Variants in ZFHX3 observed in about 807,000 individuals in gnomAD.
ZFHX3 encodes zinc finger homeobox 3, also known as zinc finger homeobox protein 3.
In ZFHX3, 42 loss-of-function variants were observed where a neutral mutation model predicts 279.1. The ratio of observed to expected loss-of-function variants is 0.15; its 90% CI spans 0.12 to 0.19. The LOEUF is 0.19. Ranked by LOEUF, ZFHX3 falls within the 10% of genes least tolerant of loss-of-function variation. The pLI is 1.00. For missense variants in ZFHX3, 4,981 were observed against 4,754.0 expected, an observed-to-expected ratio of 1.05 and a Z score of -1.40; for synonymous variants, 2,293 against 1,957.8, an observed-to-expected ratio of 1.17 and a Z score of -4.52.
At chr16:73,141,523 G>A (rs1204011758) in intron 6 of ZFHX3, among the ~76,000 whole-genome samples, 3 of 151,262 alleles carry the variant, frequency 2.0e-5, no homozygotes, top group African/African-American at 4.9e-5. Context: ...TCAGTCTCCC[G>A]AGTAGCAGGG....
intron 3 of ZFHX3, among the ~76,000 whole-genome samples, chr16:72,910,940 G>C (rs768192704): frequency 6.6e-6 from 1 of 152,178 alleles, no homozygotes; most frequent in African/African-American, 2.4e-5. Flanking sequence ...CAGGCATCTG[G>C]GTTTGCAATC....
chr16:73,724,018 G>A (rs530904112), intron 1 of ZFHX3, among the ~76,000 whole-genome samples: 63 of 152,288 alleles, frequency 4.1e-4, no homozygotes, highest in African/African-American at 1.3e-3. Flanking sequence ...ATGATAATTC[G>A]ATGATTTTTT....
In ZFHX3 at chr16:73,388,101, T is replaced by C. The variant is rs1438218218; in HGVS notation, c.-1291+67902A>G. Among the ~76,000 whole-genome samples, 7 of 152,262 alleles carry C rather than the reference T, an allele frequency of 4.6e-5. No individual in the cohort carries two copies. The East Asian group carries it at 1.4e-3, about 30-fold the overall frequency. ...ATTGGAAAAAATCAGTGCCACACAG[T>C]GCACTTGAGAAGCAATGCGGCAGGC... On this transcript the variant is annotated intron_variant, in intron 3 of 17. Coordinates refer to the ZFHX3 transcript ENST00000641206.
At chr16:73,875,722 A>T (rs539159469) in intron 1 of ZFHX3, among the ~76,000 whole-genome samples, 3 of 152,298 alleles carry the variant, frequency 2.0e-5, no homozygotes, top group Admixed American at 1.3e-4. Flanking sequence ...AAAAGAATCA[A>T]ATAACAAAAG....
At chr16:72,994,006 G>A (rs551100870) in intron 1 of ZFHX3, among the ~76,000 whole-genome samples, 24 of 152,132 alleles carry the variant, frequency 1.6e-4, no homozygotes, top group Non-Finnish European at 2.8e-4. Flanking sequence ...CTCCAGCCCC[G>A]ACGACAGATT....
intron 7 of ZFHX3, among the ~76,000 whole-genome samples, chr16:72,803,258 G>A (rs2036165549): frequency 6.6e-6 from 1 of 152,102 alleles, no homozygotes; most frequent in African/African-American, 2.4e-5. Context: ...CTTGAACCCG[G>A]GAGGCAGAGG....
rs2143384002 is a variant in ZFHX3 at position 72,793,672 on chromosome 16, A to T, written c.9010T>A (p.Ser3004Thr). ...AAATGCTTGGCCATGCTTAACTTGG[A>T]CTTCTTTTCTTTTGCCCGGGCATTC... The part of the protein sequence containing the change: ...FQNARAKEKK[S>T]KLSMAKHFGI... The change falls in exon 9 of 10, where the codon TCC becomes ACC. Residue 3004 changes from serine to threonine, a missense_variant. Physicochemically the swap from Ser to Thr is moderately conservative, Grantham distance 58. Transcript: ENST00000268489. The surrounding 1 kb of genome is among the most constrained non-coding windows in gnomAD (Gnocchi z 4.3). 9 of 1,613,976 alleles carry T rather than the reference A, an allele frequency of 5.6e-6. No homozygotes were observed. The highest frequency in any genetic ancestry group is 7.6e-6 in the Non-Finnish European group (9 of 1,180,000).
At chr16:73,710,665 T>G (rs1426525227) in intron 1 of ZFHX3, among the ~76,000 whole-genome samples, 1 of 152,184 alleles carries the variant, frequency 6.6e-6, no homozygotes, top group African/African-American at 2.4e-5. Flanking sequence ...TCCAGCAGGA[T>G]CCGCCAGCAC....
intron 1 of ZFHX3, among the ~76,000 whole-genome samples, chr16:73,814,949 A>T (rs1001423248): frequency 2.0e-5 from 3 of 152,182 alleles, no homozygotes; most frequent in African/African-American, 4.8e-5. Flanking sequence ...AATCAAGTCA[A>T]CTTGCTCCAA....
At chr16:73,571,642 T>TC (rs1216128796) in intron 2 of ZFHX3, among the ~76,000 whole-genome samples, 2 of 146,908 alleles carry the variant, frequency 1.4e-5, no homozygotes, top group Non-Finnish European at 3.0e-5. Context: ...AGAATTAATT[T>TC]TTTTTAAAAA....
rs191917891 is a variant in ZFHX3, at chr16:73,128,885, G to A, written c.-897+2083C>T. ...TGGAAGAGTTTCTCATCTATATAACGGGGATGGTAACACTCACCTCATGTG... is the reference window on the plus strand; with the variant it reads ...TGGAAGAGTTTCTCATCTATATAACAGGGATGGTAACACTCACCTCATGTG... On this transcript the variant is annotated intron_variant, in intron 7 of 17. Transcript: ENST00000641206. Among the ~76,000 whole-genome samples, 34 of 152,256 alleles carry A rather than the reference G, an allele frequency of 2.2e-4. No individual in the cohort carries two copies. The South Asian group carries it at 5.4e-3, about 24-fold the overall frequency.
At chr16:73,353,890 A>G (rs932118119) in intron 3 of ZFHX3, among the ~76,000 whole-genome samples, 1 of 152,234 alleles carries the variant, frequency 6.6e-6, no homozygotes, top group African/African-American at 2.4e-5. Context: ...GACAGGTAAC[A>G]TTTATGGAGA....
intron 2 of ZFHX3, among the ~76,000 whole-genome samples, chr16:73,529,689 C>G (rs4887838): frequency 1.3e-5 from 2 of 152,174 alleles, no homozygotes; most frequent in Non-Finnish European, 2.9e-5. Flanking sequence ...GTCAATGGCA[C>G]TGTAAATTTA....
intron 4 of ZFHX3, among the ~76,000 whole-genome samples, chr16:72,858,686 A>G (rs1337086227): frequency 1.3e-5 from 2 of 152,238 alleles, no homozygotes; most frequent in East Asian, 1.9e-4. Flanking sequence ...GGAGGCGAGC[A>G]GCCGTGAGTG....
intron 1 of ZFHX3, among the ~76,000 whole-genome samples, chr16:73,805,745 A>G (rs372464040): frequency 2.6e-5 from 4 of 152,236 alleles, no homozygotes; most frequent in East Asian, 3.9e-4. Flanking sequence ...TCTAGTCAGG[A>G]GGCCACAAAA....
At chr16:72,950,201 T>C (rs1270731240) in intron 3 of ZFHX3, among the ~76,000 whole-genome samples, 1 of 151,754 alleles carries the variant, frequency 6.6e-6, no homozygotes, top group Non-Finnish European at 1.5e-5. Context: ...GAACCAACCC[T>C]AGAGGCGCTG....
intron 1 of ZFHX3, among the ~76,000 whole-genome samples, chr16:73,784,812 T>C (rs1255800562): frequency 0.1 from 13,812 of 136,196 alleles, 2,338 homozygotes; most frequent in African/African-American, 0.36. Flanking sequence ...TATATATATA[T>C]ATATACACAC....
chr16:73,433,941 G>A (rs2017952924), intron 3 of ZFHX3, among the ~76,000 whole-genome samples: 1 of 152,194 alleles, frequency 6.6e-6, no homozygotes, highest in Non-Finnish European at 1.5e-5. Flanking sequence ...GACTGGAAAA[G>A]CCTTCAGACC....
At chr16:73,435,462 G>A (rs546822232) in intron 3 of ZFHX3, among the ~76,000 whole-genome samples, 20 of 152,050 alleles carry the variant, frequency 1.3e-4, no homozygotes, top group Non-Finnish European at 2.4e-4. Flanking sequence ...TGCCTGCCTC[G>A]GCCTCCCAAA....
Sources: gnomAD v4.1 joint callset for allele counts (sites outside exome capture counted in the v4.1 genomes callset) on GRCh38, gnomAD v4.1.1 for gene constraint, Gnocchi (gnomAD v3.1) non-coding constraint, MANE v1.5 for transcripts, NCBI Gene and HGNC (gene_info 2026-07-23, HGNC 2026-07-21) for gene names.